The following ATXN2 variants were observed in gnomAD, a reference collection of about 807,000 sequenced individuals.
The protein encoded by ATXN2 is ataxin-2.
In ATXN2, 37 loss-of-function variants were observed where a neutral mutation model predicts 138.6. That is an observed-to-expected ratio of 0.27 (90% CI 0.21 to 0.35). The LOEUF (loss-of-function observed/expected upper bound fraction) is 0.35. Ranked by LOEUF, ATXN2 falls within the 10% of genes least tolerant of loss-of-function variation. The pLI, the probability that ATXN2 is intolerant of heterozygous loss-of-function variation, is 1.00. For missense variants in ATXN2, 1,216 were observed against 1,480.3 expected (o/e 0.82, Z 2.93); for synonymous variants, 549 against 543.7 (o/e 1.01, Z -0.13).
rs1379931280 is a variant in ATXN2 at position 111,488,795 on chromosome 12, C to T, written c.1936-15G>A. The T allele has an allele frequency of 3.2e-6, 5 of 1,563,392 alleles. No homozygotes were observed. The highest frequency in any genetic ancestry group is 1.8e-5 in the Admixed American group (1 of 55,282). On this transcript the variant is annotated splice_polypyrimidine_tract_variant and intron_variant, in intron 14 of 24. Coordinates refer to ENST00000673436, the MANE Select transcript of ATXN2 (RefSeq NM_001372574.1). ...CTTGGCTGTAACTAAATAAAGGAAACAATTATACTTAAATATCTTAAATAA... is the reference window on the plus strand; with the variant it reads ...CTTGGCTGTAACTAAATAAAGGAAATAATTATACTTAAATATCTTAAATAA...
intron 14 of ATXN2, among the ~76,000 whole-genome samples, chr12:111,490,826 C>T (rs1877979777): frequency 1.3e-5 from 2 of 152,046 alleles, no homozygotes; most frequent in South Asian, 4.2e-4. Context: ...AGAGAAATGA[C>T]TGTGGGATTT....
At chr12:111,469,351 T>C (rs1876245713) in intron 20 of ATXN2, 1 of 152,222 alleles carries the variant, frequency 6.6e-6, no homozygotes, top group Non-Finnish European at 1.5e-5. Context: ...TAATTCTGTA[T>C]CATAAGATAT....
chr12:111,595,469 T>C (rs942164470), intron 1 of ATXN2, among the ~76,000 whole-genome samples: 5 of 149,526 alleles, frequency 3.3e-5, no homozygotes, highest in Admixed American at 6.7e-5. Context: ...TGGTGAAACC[T>C]TGTCTCTACC....
intron 5 of ATXN2, among the ~76,000 whole-genome samples, chr12:111,545,325 G>A (rs989861137): frequency 6.6e-6 from 1 of 152,060 alleles, no homozygotes; most frequent in Non-Finnish European, 1.5e-5. Flanking sequence ...GGCCAGGCGT[G>A]GTGGCTCACG....
intron 18 of ATXN2, among the ~76,000 whole-genome samples, chr12:111,474,912 C>G (rs917444033): frequency 4.0e-5 from 6 of 150,334 alleles, no homozygotes; most frequent in Non-Finnish European, 7.4e-5. Flanking sequence ...GGTGAAACCC[C>G]ATCTCTATTA....
At chr12:111,511,428 A>G (rs1183436498) in intron 11 of ATXN2, 1 of 151,936 alleles carries the variant, frequency 6.6e-6, no homozygotes, top group African/African-American at 2.4e-5. Flanking sequence ...CATCTAAGTA[A>G]TGTCAAAAGA....
At position 111,529,030 on chromosome 12, in the gene ATXN2, C is replaced by T. The variant is rs79082972; in HGVS notation, c.572-3714G>A. Among the ~76,000 whole-genome samples, 414 of 151,726 alleles carry T rather than the reference C, an allele frequency of 2.7e-3. 1 individual carries two copies. The highest frequency in any genetic ancestry group is 3.9e-3 in the Non-Finnish European group (267 of 67,950). Reference sequence around the variant, plus strand: ...TGTCACTCATGCTGGAGTGTAGTGCCGCAATCACTGCAGCCCTGGGCTCAA... The same window carrying T: ...TGTCACTCATGCTGGAGTGTAGTGCTGCAATCACTGCAGCCCTGGGCTCAA... On this transcript the variant is annotated intron_variant, in intron 5 of 24. Transcript: ENST00000673436.
intron 5 of ATXN2, among the ~76,000 whole-genome samples, chr12:111,533,638 G>C (rs1388883238): frequency 6.6e-6 from 1 of 151,828 alleles, no homozygotes; most frequent in Non-Finnish European, 1.5e-5. Flanking sequence ...CAAATTGCTT[G>C]TCTCAACCTC....
chr12:111,537,943 AC>A (rs1881285277), intron 5 of ATXN2, among the ~76,000 whole-genome samples: 1 of 152,066 alleles, frequency 6.6e-6, no homozygotes. Context: ...AAAAATAACA[AC>A]AAAAATTAGC....
rs1223268631 is a variant in ATXN2, at chr12:111,488,722, C to A, written c.1994G>T (p.Gly665Val). Residue 665 changes from glycine (G) to valine (V), a missense_variant, in exon 15 of 25, where the codon GGA becomes GTA. By Grantham distance (109) the Gly-to-Val change is moderately radical. Transcript: ENST00000673436. ...MDQLLNKNRE[G>V]EKSRDLIKDK... ...TTTGATCAAATCTCTTGATTTTTCT[C>A]CCTCTCTATTTTTGTTTAGTAGTTG... 6.2e-7 allele frequency: 1 copy of A among 1,610,958 alleles called. No individual in the cohort carries two copies. Among genetic ancestry groups the A allele is most frequent in the Non-Finnish European group, 8.5e-7 (1 of 1,178,076 alleles).
intron 11 of ATXN2, chr12:111,512,171 G>T (rs758164134): frequency 6.6e-6 from 1 of 152,098 alleles, no homozygotes; most frequent in Admixed American, 6.6e-5. Context: ...GGCCAGTCTT[G>T]AACTCCTGAC....
At chr12:111,570,283 T>C (rs1050686889) in intron 1 of ATXN2, among the ~76,000 whole-genome samples, 9 of 152,164 alleles carry the variant, frequency 5.9e-5, no homozygotes, top group African/African-American at 2.2e-4. Flanking sequence ...TGTATTCCCC[T>C]TCAAAAGACT....
chr12:111,540,719 T>C (rs989224660), intron 5 of ATXN2, among the ~76,000 whole-genome samples: 3 of 141,520 alleles, frequency 2.1e-5, no homozygotes, highest in East Asian at 2.0e-4. Flanking sequence ...TTTTTTGAGA[T>C]GGAGTCACTC....
At chr12:111,517,854 C>T (rs1273114869) in intron 9 of ATXN2, among the ~76,000 whole-genome samples, 1 of 152,100 alleles carries the variant, frequency 6.6e-6, no homozygotes, top group Admixed American at 6.6e-5. Context: ...ATATTAACCA[C>T]AGTGTTGCAC....
intron 18 of ATXN2, among the ~76,000 whole-genome samples, chr12:111,483,224 CACACACACACACACAA>C (rs1877382986): frequency 2.7e-5 from 4 of 148,278 alleles, no homozygotes; most frequent in African/African-American, 7.5e-5. Context: ...CACACACACA[CACACACACACACACAA>C]AACACCCAAA....
chr12:111,554,619 A>G (rs974659535), intron 2 of ATXN2, among the ~76,000 whole-genome samples: 4 of 152,210 alleles, frequency 2.6e-5, no homozygotes, highest in African/African-American at 9.7e-5. Context: ...ATGACATAAA[A>G]AAGCAAGAGT....
intron 5 of ATXN2, among the ~76,000 whole-genome samples, chr12:111,548,394 A>G (rs1403900631): frequency 2.0e-5 from 3 of 152,226 alleles, no homozygotes; most frequent in African/African-American, 7.2e-5. Flanking sequence ...TCTACTACAG[A>G]AACAACTTGT....
At chr12:111,457,079 G>A in intron 22 of ATXN2, 135 bp downstream of exon 22, 1 of 1,137,940 alleles carries the variant, frequency 8.8e-7, no homozygotes, top group Non-Finnish European at 1.2e-6. Flanking sequence ...CACCACCCCA[G>A]GGGCACAGCT....
At position 111,518,324 on chromosome 12, in the gene ATXN2, T is replaced by C. The variant is rs1879968244; in HGVS notation, c.1090A>G (p.Met364Val). The C allele has an allele frequency of 1.2e-6, 2 of 1,613,276 alleles. No homozygotes were observed. Among genetic ancestry groups the C allele is most frequent in the Non-Finnish European group, 1.7e-6 (2 of 1,179,464 alleles). The change falls in exon 9 of 25, where the codon ATG becomes GTG. Residue 364 changes from methionine to valine, a missense_variant. By Grantham distance (21) the Met-to-Val change is conservative (BLOSUM62 1). Around this residue, in one of 4 missense-constraint regions of ATXN2, gnomAD observed 401 missense variants for 528.1 expected, o/e 0.76. Transcript: ENST00000673436. ...PRMGQPGSGS[M>V]PSRSTSHTSD... ...GTGTGAGAAGTGGATCTTGATGGCA[T>C]GGAGCCCGATCCAGGCTGGCCCATA...
Sources: allele counts gnomAD v4.1 joint callset (sites outside exome capture counted in the v4.1 genomes callset), GRCh38; gene constraint gnomAD v4.1.1; regional missense constraint gnomAD v4.1.1; transcripts MANE v1.5; gene names NCBI Gene and HGNC (gene_info 2026-07-23, HGNC 2026-07-21).